Variants in KCNQ3 observed in about 807,000 individuals in gnomAD.
The protein encoded by KCNQ3 is potassium voltage-gated channel subfamily Q member 3, also known as potassium voltage-gated channel subfamily KQT member 3.
A neutral mutation model predicts 92.5 loss-of-function variants in KCNQ3; 30 were observed. The ratio of observed to expected loss-of-function variants is 0.32; its 90% CI spans 0.24 to 0.44. The LOEUF (loss-of-function observed/expected upper bound fraction) is 0.44. Among genes scored for constraint, KCNQ3 ranks in the 20% least tolerant of loss-of-function variants. The probability of loss-of-function intolerance (pLI) is 1.00; values close to 1 mark genes in which losing one functional copy is unlikely to be tolerated. For synonymous variants in KCNQ3, 450 were observed against 468.8 expected (o/e 0.96, Z 0.52); for missense variants, 913 against 1,140.3 (o/e 0.80, Z 2.87).
chr8:132,218,535 CT>C (rs888931825), intron 1 of KCNQ3, among the ~76,000 whole-genome samples: 5 of 152,074 alleles, frequency 3.3e-5, no homozygotes, highest in African/African-American at 1.2e-4. Context: ...GAGAATAAGG[CT>C]TTTTTTATAT....
intron 1 of KCNQ3, among the ~76,000 whole-genome samples, chr8:132,257,853 T>C (rs546567616): frequency 6.7e-6 from 1 of 149,742 alleles, no homozygotes; most frequent in South Asian, 2.1e-4. Context: ...TGGTAACCAA[T>C]AGAGAGCTGG....
chr8:132,276,815 C>T (rs1243326833), intron 1 of KCNQ3, among the ~76,000 whole-genome samples: 3 of 152,158 alleles, frequency 2.0e-5, no homozygotes, highest in Admixed American at 6.5e-5. Flanking sequence ...GAAAATCATT[C>T]GACCCCTTAG....
At chr8:132,188,420 C>A (rs901087839) in intron 1 of KCNQ3, among the ~76,000 whole-genome samples, 1 of 152,184 alleles carries the variant, frequency 6.6e-6, no homozygotes, top group Non-Finnish European at 1.5e-5. Flanking sequence ...CATTCATAGG[C>A]TCTGTAGAGA....
At chr8:132,187,886 C>CGGT (rs1211571900) in intron 1 of KCNQ3, among the ~76,000 whole-genome samples, 1 of 26,650 alleles carries the variant, frequency 3.8e-5, no homozygotes, top group East Asian at 1.0e-3. Flanking sequence ...GTGATGGTGG[C>CGGT]GGTGGTGGTG....
chr8:132,169,900 C>T (rs1386050966), intron 8 of KCNQ3, among the ~76,000 whole-genome samples: 16 of 152,044 alleles, frequency 1.1e-4, no homozygotes, highest in African/African-American at 3.4e-4. Flanking sequence ...AAGGGTCTCA[C>T]GCTCACTGTG....
At chr8:132,375,361 G>A (rs1422888183) in intron 1 of KCNQ3, among the ~76,000 whole-genome samples, 1 of 152,028 alleles carries the variant, frequency 6.6e-6, no homozygotes. Context: ...TGCCTTTTGG[G>A]AAATCTCTCG....
intron 1 of KCNQ3, among the ~76,000 whole-genome samples, chr8:132,254,753 C>T (rs1267774601): frequency 6.6e-6 from 1 of 152,126 alleles, no homozygotes; most frequent in Non-Finnish European, 1.5e-5. Context: ...GTGGCATGTG[C>T]ATTCAGTCTC....
rs753426439 is a variant in KCNQ3, at chr8:132,141,114, A to AT, written c.1465+14dup. The AT allele has an allele frequency of 6.2e-7, 1 of 1,612,432 alleles. No homozygotes were observed. Among genetic ancestry groups the AT allele is most frequent in the South Asian group, 1.1e-5 (1 of 91,036 alleles). On this transcript the variant is annotated intron_variant, in intron 10 of 14. Coordinates refer to ENST00000388996, the MANE Select transcript of KCNQ3 (RefSeq NM_004519.4). ...AGAAGTGGAAGAGACAGGGAGGGAG[A>AT]TAAAAAGGCATTACCTTCAGAACTC...
intron 1 of KCNQ3, among the ~76,000 whole-genome samples, chr8:132,305,847 C>T (rs896052874): frequency 5.3e-5 from 8 of 151,882 alleles, no homozygotes; most frequent in African/African-American, 1.9e-4. Context: ...ACACAACTTC[C>T]CCTCATTAAA....
intron 1 of KCNQ3, among the ~76,000 whole-genome samples, chr8:132,227,058 C>CTTT (rs1563813401): frequency 2.3e-5 from 2 of 88,662 alleles, no homozygotes; most frequent in African/African-American, 5.6e-5. Context: ...ACATATCTCA[C>CTTT]TCTTTTTTTT....
chr8:132,324,462 A>T (rs1329052285), intron 1 of KCNQ3, among the ~76,000 whole-genome samples: 1 of 152,224 alleles, frequency 6.6e-6, no homozygotes, highest in East Asian at 1.9e-4. Flanking sequence ...AGACACAGTC[A>T]TTATCCCCAC....
rs186530870 is a variant in KCNQ3, at chr8:132,372,887, T to C, written c.386+107260A>G. Among the ~76,000 whole-genome samples, 63 of 151,804 alleles carry C rather than the reference T, an allele frequency of 4.2e-4. 1 individual carries two copies. Among genetic ancestry groups the C allele is most frequent in the African/African-American group, 1.5e-3 (62 of 41,314 alleles). ...TGTGAATATTAGAGGCAGAAAGGCA[T>C]GCAAACTGCAGAGCTCGGCTCCTGG... is the stretch of plus-strand genomic sequence containing the variant. On this transcript the variant is annotated intron_variant, in intron 1 of 14. Coordinates refer to ENST00000388996, the MANE Select transcript of KCNQ3 (RefSeq NM_004519.4).
At chr8:132,177,163 C>T (rs112588335) in intron 4 of KCNQ3, among the ~76,000 whole-genome samples, 17 of 152,336 alleles carry the variant, frequency 1.1e-4, no homozygotes, top group African/African-American at 4.1e-4. Flanking sequence ...ACCAAATCAA[C>T]AGTTGTCTGT....
At chr8:132,271,118 C>T (rs1162182603) in intron 1 of KCNQ3, among the ~76,000 whole-genome samples, 1 of 152,206 alleles carries the variant, frequency 6.6e-6, no homozygotes, top group Non-Finnish European at 1.5e-5. Flanking sequence ...CCTGGACAAC[C>T]CCACTGCTGT....
intron 1 of KCNQ3, among the ~76,000 whole-genome samples, chr8:132,353,180 C>T (rs59542153): frequency 0.047 from 7,109 of 152,036 alleles, 297 homozygotes; most frequent in African/African-American, 0.11. Context: ...GAGCCGAGAT[C>T]GCGCCACTGT....
chr8:132,191,589 ATATG>A (rs1563797758), intron 1 of KCNQ3, among the ~76,000 whole-genome samples: 30 of 96,468 alleles, frequency 3.1e-4, no homozygotes, highest in African/African-American at 1.3e-3. Flanking sequence ...AGAAAGATGG[ATATG>A]TGTGTGTATG....
intron 1 of KCNQ3, among the ~76,000 whole-genome samples, chr8:132,340,100 G>A (rs1339369483): frequency 6.6e-6 from 1 of 152,146 alleles, no homozygotes. Context: ...TTATTAAAAA[G>A]TCAGGAAACA....
chr8:132,283,016 G>C (rs1305895768), intron 1 of KCNQ3, among the ~76,000 whole-genome samples: 2 of 152,118 alleles, frequency 1.3e-5, no homozygotes, highest in Non-Finnish European at 2.9e-5. Flanking sequence ...GTGGCTGGGA[G>C]GGAATCACAG....
chr8:132,159,449 G>A (rs1825917392), intron 9 of KCNQ3, among the ~76,000 whole-genome samples: 2 of 152,280 alleles, frequency 1.3e-5, no homozygotes, highest in East Asian at 3.9e-4. Context: ...TTAGACAGTA[G>A]CGGCTTTTAC....
Sources: gnomAD v4.1 joint callset for allele counts (sites outside exome capture counted in the v4.1 genomes callset) on GRCh38, gnomAD v4.1.1 for gene constraint, MANE v1.5 for transcripts, NCBI Gene and HGNC (gene_info 2026-07-23, HGNC 2026-07-21) for gene names.